Variants in NEXMIF observed in about 807,000 individuals in gnomAD.
NEXMIF encodes neurite extension and migration factor, also known as XLMR protein related to neurite extension.
NEXMIF carries 8 observed loss-of-function variants against 62.1 expected under a neutral mutation model. The observed-to-expected ratio is 0.13, with a 90% CI of 0.08 to 0.23. NEXMIF has a LOEUF of 0.23. NEXMIF is among the 10% of genes least tolerant of loss of function. The pLI is 1.00. For missense variants in NEXMIF, 976 were observed against 1,113.3 expected (o/e 0.88, Z 1.75); for synonymous variants, 404 against 416.6 (o/e 0.97, Z 0.37).
chrX:74,788,308 T>C (rs928213975), intron 1 of NEXMIF, among the ~76,000 whole-genome samples: 2 of 112,059 alleles, frequency 1.8e-5, no homozygotes, highest in East Asian at 5.6e-4. Flanking sequence ...TAATGTATGA[T>C]GCCACCTAAT....
At position 74,849,934 on chromosome X, in the gene NEXMIF, T is replaced by G. The variant is rs1369910536; in HGVS notation, c.-48+74949A>C. ...AAAGCAACCTTGCACGCTCCAACAG[T>G]AGAGCCACAGCACAGTCACTGCTGT... is the stretch of plus-strand genomic sequence containing the variant. On this transcript the variant is annotated intron_variant, in intron 1 of 3. Coordinates refer to ENST00000055682, the MANE Select transcript of NEXMIF (RefSeq NM_001008537.3). 2.7e-5 allele frequency among the ~76,000 whole-genome samples: 3 copies of G among 111,797 alleles called. No homozygotes were observed. In the Admixed American group the frequency reaches 2.8e-4, roughly 11 times the overall value.
chrX:74,827,445 T>C (rs1346049160), intron 1 of NEXMIF, among the ~76,000 whole-genome samples: 1 of 111,756 alleles, frequency 8.9e-6, no homozygotes, highest in African/African-American at 3.3e-5. Flanking sequence ...GTAGGGTAAA[T>C]AAGTATTCTT....
At chrX:74,795,031 T>A (rs887321127) in intron 1 of NEXMIF, among the ~76,000 whole-genome samples, 2 of 111,956 alleles carry the variant, frequency 1.8e-5, no homozygotes, top group East Asian at 5.6e-4. Flanking sequence ...TCCGTCCACA[T>A]GGAATATGGT....
chrX:74,919,291 T>C (rs2147377038), intron 1 of NEXMIF, among the ~76,000 whole-genome samples: 1 of 111,601 alleles, frequency 9.0e-6, no homozygotes, highest in Admixed American at 9.5e-5. Flanking sequence ...AAACCCTGAA[T>C]CATTTCAGGG....
intron 1 of NEXMIF, among the ~76,000 whole-genome samples, chrX:74,765,871 C>CAAAAAA (rs755196904): frequency 6.9e-5 from 2 of 28,967 alleles, no homozygotes; most frequent in Non-Finnish European, 7.0e-5. Flanking sequence ...ACTGAAAATA[C>CAAAAAA]AAAAAAAAAA....
intron 1 of NEXMIF, among the ~76,000 whole-genome samples, chrX:74,908,923 T>C (rs901185906): frequency 1.8e-5 from 2 of 111,859 alleles, no homozygotes; most frequent in African/African-American, 6.5e-5. Context: ...CTTTTGCATC[T>C]CCCTCATTTT....
intron 1 of NEXMIF, among the ~76,000 whole-genome samples, chrX:74,781,645 T>G (rs753074055): frequency 1.9e-5 from 2 of 107,860 alleles, no homozygotes; most frequent in East Asian, 5.8e-4. Context: ...GTGAAATGTA[T>G]ACTAAGATTT....
At chrX:74,858,274 G>A (rs1032360748) in intron 1 of NEXMIF, among the ~76,000 whole-genome samples, 3 of 112,310 alleles carry the variant, frequency 2.7e-5, no homozygotes, top group Non-Finnish European at 5.6e-5. Flanking sequence ...GGCCACAGAG[G>A]TACTTGTGTC....
intron 1 of NEXMIF, among the ~76,000 whole-genome samples, chrX:74,836,747 T>G (rs1456363229): frequency 9.0e-6 from 1 of 111,456 alleles, no homozygotes; most frequent in Non-Finnish European, 1.9e-5. Flanking sequence ...CTGCATTGCC[T>G]GGGGTTGGGG....
rs1472203376 is a variant in NEXMIF, at chrX:74,764,563, C to T, written c.-47-18866G>A. 3.6e-5 allele frequency among the ~76,000 whole-genome samples: 4 copies of T among 111,680 alleles called. No homozygotes were observed. The East Asian group carries it at 1.1e-3, about 31-fold the overall frequency. On this transcript the variant is annotated intron_variant, in intron 1 of 3. Transcript: ENST00000055682. ...GAATGGTACCAGCTCCTCCTTGTAC[C>T]TCTGGTAGAATTCGGCTATGAAGCC...
At chrX:74,888,958 G>T (rs2080707696) in intron 1 of NEXMIF, among the ~76,000 whole-genome samples, 1 of 111,708 alleles carries the variant, frequency 9.0e-6, no homozygotes, top group Non-Finnish European at 1.9e-5. Flanking sequence ...AAACTTTATT[G>T]GTTCTTCCCT....
Position 74,855,774 on chromosome X carries a change from T to G in NEXMIF, c.-48+69109A>C, listed in dbSNP as rs144979348. Among the ~76,000 whole-genome samples, 384 of 111,836 alleles carry G rather than the reference T, an allele frequency of 3.4e-3. 2 individuals carry two copies. The highest frequency in any genetic ancestry group is 0.012 in the African/African-American group (366 of 30,778). Reference sequence around the variant, plus strand: ...AGTCCCTTCACAAAGACTGGGAGATTTATTGGTTCCAGGTGCTTAAAGAAA... The same window carrying G: ...AGTCCCTTCACAAAGACTGGGAGATGTATTGGTTCCAGGTGCTTAAAGAAA... On this transcript the variant is annotated intron_variant, in intron 1 of 3. Coordinates refer to ENST00000055682, the MANE Select transcript of NEXMIF (RefSeq NM_001008537.3).
At chrX:74,759,794 T>C (rs1253020213) in intron 1 of NEXMIF, among the ~76,000 whole-genome samples, 1 of 111,958 alleles carries the variant, frequency 8.9e-6, no homozygotes, top group Non-Finnish European at 1.9e-5. Context: ...ACTATATCCC[T>C]GTAGTACAGT....
intron 1 of NEXMIF, among the ~76,000 whole-genome samples, chrX:74,841,091 C>T (rs978059723): frequency 8.9e-6 from 1 of 111,770 alleles, no homozygotes; most frequent in African/African-American, 3.2e-5. Context: ...ATTTTAATGA[C>T]ATTGATTCTT....
intron 1 of NEXMIF, among the ~76,000 whole-genome samples, chrX:74,873,790 T>C (rs1355199980): frequency 9.8e-5 from 11 of 112,247 alleles, no homozygotes; most frequent in South Asian, 3.7e-4. Flanking sequence ...TAAATGTCTT[T>C]TTTTCAGAAA....
intron 1 of NEXMIF, among the ~76,000 whole-genome samples, chrX:74,851,051 C>A (rs1482806516): frequency 1.8e-5 from 2 of 108,776 alleles, no homozygotes; most frequent in Admixed American, 9.8e-5. Context: ...AATCCTGGAA[C>A]TGAAGAATTC....
chrX:74,878,062 G>A (rs922804025), intron 1 of NEXMIF, among the ~76,000 whole-genome samples: 3 of 111,517 alleles, frequency 2.7e-5, no homozygotes, highest in Non-Finnish European at 5.7e-5. Context: ...GAGGAGAGTC[G>A]CTCTGCTTTT....
intron 1 of NEXMIF, among the ~76,000 whole-genome samples, chrX:74,766,041 CAAAA>C (rs35891512): frequency 1.6e-4 from 13 of 78,828 alleles, no homozygotes; most frequent in Non-Finnish European, 4.6e-5. Context: ...ACTCTGTCTC[CAAAA>C]AAAAAAAAAA....
At chrX:74,760,388 C>T (rs1375891388) in intron 1 of NEXMIF, among the ~76,000 whole-genome samples, 1 of 111,492 alleles carries the variant, frequency 9.0e-6, no homozygotes, top group Non-Finnish European at 1.9e-5. Context: ...TTATTTCTTT[C>T]TCTTGTCTGA....
Sources: allele counts gnomAD v4.1 joint callset (sites outside exome capture counted in the v4.1 genomes callset), GRCh38; gene constraint gnomAD v4.1.1; transcripts MANE v1.5; gene names NCBI Gene and HGNC (gene_info 2026-07-23, HGNC 2026-07-21).